COL6A6: variants seen among roughly 807,000 people sequenced by gnomAD.
COL6A6 encodes the protein collagen type VI alpha 6 chain.
COL6A6 carries 183 observed loss-of-function variants against 208.6 expected under a neutral mutation model. That is an observed-to-expected ratio of 0.88 (90% confidence interval 0.78 to 0.99). COL6A6 has a LOEUF of 0.99. Among genes scored for constraint, COL6A6 ranks in the 50% least tolerant of loss-of-function variants. The pLI is 0.00. For missense variants in COL6A6, 2,816 were observed against 2,815.2 expected (o/e 1.00, Z -0.01); for synonymous variants, 973 against 1,011.8 (o/e 0.96, Z 0.73).
chr3:130,558,824 G>A (rs990153959), intron 1 of COL6A6, among the ~76,000 whole-genome samples: 3 of 152,136 alleles, frequency 2.0e-5, no homozygotes, highest in Non-Finnish European at 4.4e-5. Context: ...TTAGTTCTTA[G>A]AAAAAAGATG....
chr3:130,543,785 T>C (rs890806633), intron 1 of COL6A6, among the ~76,000 whole-genome samples: 2 of 152,122 alleles, frequency 1.3e-5, no homozygotes, highest in Admixed American at 6.5e-5. Flanking sequence ...ATGGTTGTAT[T>C]TTATTTTCTG....
chr3:130,670,686 C>T (rs1305599381), intron 36 of COL6A6, among the ~76,000 whole-genome samples: 1 of 152,194 alleles, frequency 6.6e-6, no homozygotes, highest in Non-Finnish European at 1.5e-5. Flanking sequence ...CTGGCAGTGC[C>T]ACGCTGCATT....
intron 23 of COL6A6, among the ~76,000 whole-genome samples, chr3:130,620,275 TA>T (rs984790764): frequency 6.6e-5 from 10 of 151,992 alleles, no homozygotes; most frequent in Non-Finnish European, 1.5e-4. Context: ...GAAGAGGGGA[TA>T]AAGTGAGAAC....
intron 23 of COL6A6, among the ~76,000 whole-genome samples, chr3:130,616,183 T>C (rs1442072550): frequency 6.6e-6 from 1 of 151,918 alleles, no homozygotes; most frequent in Non-Finnish European, 1.5e-5. Flanking sequence ...GAGAGTATTA[T>C]TCTTCACCGG....
intron 10 of COL6A6, among the ~76,000 whole-genome samples, chr3:130,583,439 A>G (rs1475485704): frequency 6.6e-6 from 1 of 152,136 alleles, no homozygotes; most frequent in Non-Finnish European, 1.5e-5. Flanking sequence ...GGGAAAAGGT[A>G]TTTCTCTTGC....
chr3:130,658,715 TCCGGGG>T lies in COL6A6; in HGVS notation c.5777_5782del (p.Gly1926_Ala1927del), dbSNP rs1328054316. On this transcript the variant is annotated inframe_deletion, in exon 34 of 37. Coordinates refer to ENST00000358511, the MANE Select transcript of COL6A6 (RefSeq NM_001102608.3). Reference sequence around the variant, plus strand: ...CACATTTCAAGTAATAGTGGTTCCCTCCGGGGCCGACTACATACCAGCATTAGAGAG... The same window carrying T: ...CACATTTCAAGTAATAGTGGTTCCCTCCGACTACATACCAGCATTAGAGAG... 3.7e-6 allele frequency: 6 copies of T among 1,613,272 alleles called. No individual in the cohort carries two copies. Among genetic ancestry groups the T allele is most frequent in the African/African-American group, 1.3e-5 (1 of 75,050 alleles).
At chr3:130,540,296 C>T (rs1453836555) in intron 1 of COL6A6, among the ~76,000 whole-genome samples, 1 of 152,212 alleles carries the variant, frequency 6.6e-6, no homozygotes, top group African/African-American at 2.4e-5. Flanking sequence ...TATCCTCTAT[C>T]AGCGTGGGAT....
At chr3:130,610,740 G>C in intron 23 of COL6A6, 29 bp downstream of exon 23, 1 of 1,502,686 alleles carries the variant, frequency 6.7e-7, no homozygotes, top group Non-Finnish European at 9.1e-7. Context: ...GATTGCATCT[G>C]ACTTTGATCT....
intron 19 of COL6A6, among the ~76,000 whole-genome samples, chr3:130,599,349 G>C (rs1462615037): frequency 6.6e-6 from 1 of 152,064 alleles, no homozygotes; most frequent in Non-Finnish European, 1.5e-5. Context: ...TTACAGTAAG[G>C]TAATAATCTG....
intron 26 of COL6A6, among the ~76,000 whole-genome samples, chr3:130,628,343 A>G (rs556745411): frequency 6.6e-6 from 1 of 152,224 alleles, no homozygotes; most frequent in Admixed American, 6.5e-5. Flanking sequence ...GAAGTTTATA[A>G]TTATGTAAAT....
intron 24 of COL6A6, among the ~76,000 whole-genome samples, chr3:130,624,100 C>A (rs2064816451): frequency 6.6e-6 from 1 of 152,048 alleles, no homozygotes; most frequent in Admixed American, 6.6e-5. Context: ...GTAAACTACT[C>A]TTTGGAAAAC....
intron 20 of COL6A6, among the ~76,000 whole-genome samples, chr3:130,602,598 T>A (rs1425105010): frequency 6.6e-6 from 1 of 152,220 alleles, no homozygotes; most frequent in Non-Finnish European, 1.5e-5. Context: ...GAAAGCAAGT[T>A]GGCAGGGCTT....
chr3:130,568,044 C>T lies in COL6A6; in HGVS notation c.1844-3C>T, dbSNP rs1379526813. ...AATAAACATCACAGTTTTTCCTATG[C>T]AGCTTGCAAAGAGATGAAAGCTGAC... On this transcript the variant is annotated splice_polypyrimidine_tract_variant and splice_region_variant and intron_variant, in intron 5 of 36. Coordinates refer to ENST00000358511, the MANE Select transcript of COL6A6 (RefSeq NM_001102608.3). The T allele has an allele frequency of 1.3e-6, 2 of 1,597,144 alleles. No homozygotes were observed. Among genetic ancestry groups the T allele is most frequent in the Non-Finnish European group, 1.7e-6 (2 of 1,172,002 alleles).
intron 21 of COL6A6, among the ~76,000 whole-genome samples, chr3:130,607,810 AT>A (rs1300724278): frequency 6.6e-6 from 1 of 152,186 alleles, no homozygotes; most frequent in Non-Finnish European, 1.5e-5. Context: ...CCATCCAGAC[AT>A]TATCCCTCCC....
intron 20 of COL6A6, among the ~76,000 whole-genome samples, chr3:130,600,732 G>A (rs1250925794): frequency 6.6e-6 from 1 of 152,088 alleles, no homozygotes; most frequent in Non-Finnish European, 1.5e-5. Flanking sequence ...GCAAGGGGAG[G>A]GAGAACATTA....
intron 32 of COL6A6, among the ~76,000 whole-genome samples, chr3:130,647,523 T>C (rs183926058): frequency 1.3e-5 from 2 of 152,366 alleles, no homozygotes; most frequent in Admixed American, 6.5e-5. Context: ...ACTTAGAGAC[T>C]AATACATGAT....
intron 21 of COL6A6, among the ~76,000 whole-genome samples, chr3:130,607,461 A>G (rs1276949494): frequency 6.6e-6 from 1 of 152,226 alleles, no homozygotes; most frequent in Non-Finnish European, 1.5e-5. Context: ...TATAATATTT[A>G]TGAAAGAGTG....
chr3:130,634,445 A>G (rs1019537533), intron 26 of COL6A6, 145 bp from the exon 27 acceptor site: 7 of 706,878 alleles, frequency 9.9e-6, no homozygotes, highest in East Asian at 5.5e-5. Flanking sequence ...AAATACTGCT[A>G]TTTCACTTCC....
intron 13 of COL6A6, 26 bp downstream of exon 13, chr3:130,591,120 C>T (rs1253009021): frequency 8.6e-6 from 13 of 1,518,698 alleles, no homozygotes; most frequent in Non-Finnish European, 1.2e-5. Context: ...TTTTTACCTC[C>T]ATTTATCCCT....
Sources: allele counts gnomAD v4.1 joint callset (sites outside exome capture counted in the v4.1 genomes callset), GRCh38; gene constraint gnomAD v4.1.1; transcripts MANE v1.5; gene names NCBI Gene and HGNC (gene_info 2026-07-23, HGNC 2026-07-21).